COMMD1: variants seen among roughly 807,000 people sequenced by gnomAD.
COMMD1 encodes COMM domain-containing protein 1.
COMMD1 carries 10 observed loss-of-function variants against 17.2 expected under a neutral mutation model. The observed-to-expected ratio is 0.58, with a 90% CI of 0.36 to 0.99. The LOEUF is 0.99. Among genes scored for constraint, COMMD1 ranks in the 50% least tolerant of loss-of-function variants. The probability of loss-of-function intolerance (pLI) is 0.01; values close to 1 mark genes in which losing one functional copy is unlikely to be tolerated. For missense variants in COMMD1, 270 were observed against 231.8 expected, an observed-to-expected ratio of 1.17 and a Z score of -1.07; for synonymous variants, 97 against 91.6, an observed-to-expected ratio of 1.06 and a Z score of -0.34.
chr2:62,098,026 A>G (rs912594210), intron 2 of COMMD1, among the ~76,000 whole-genome samples: 6 of 151,922 alleles, frequency 3.9e-5, no homozygotes, highest in Admixed American at 6.6e-5. Context: ...TCTTTTTGCA[A>G]TAGTGGCAAA....
chr2:61,915,861 G>A, intron 1 of COMMD1: 1 of 278,922 alleles, frequency 3.6e-6, no homozygotes, highest in South Asian at 3.4e-5. Flanking sequence ...ATAAAATAGA[G>A]ATGGGGTCTT....
intron 1 of COMMD1, among the ~76,000 whole-genome samples, chr2:61,950,663 A>G (rs900777996): frequency 6.6e-6 from 1 of 152,226 alleles, no homozygotes; most frequent in Admixed American, 6.5e-5. Context: ...CTTTGGGAAC[A>G]TAACTAAGTA....
intron 1 of COMMD1, chr2:61,915,627 C>G (rs1670027908): frequency 2.3e-6 from 1 of 438,050 alleles, no homozygotes; most frequent in Non-Finnish European, 4.6e-6. Flanking sequence ...GTAGCTGAAA[C>G]TGTAAATGCT....
chr2:61,899,484 T>C (rs886320643), intron 1 of COMMD1, among the ~76,000 whole-genome samples: 25 of 152,200 alleles, frequency 1.6e-4, no homozygotes, highest in Non-Finnish European at 2.9e-4. Flanking sequence ...ATACATTATA[T>C]TAAATAATAT....
At chr2:61,906,929 A>G (rs1217054874) in intron 1 of COMMD1, among the ~76,000 whole-genome samples, 1 of 152,144 alleles carries the variant, frequency 6.6e-6, no homozygotes, top group Non-Finnish European at 1.5e-5. Flanking sequence ...ATTTTTTTAA[A>G]CTGATTTTGC....
chr2:61,909,704 A>T (rs1267951342), intron 1 of COMMD1, among the ~76,000 whole-genome samples: 1 of 152,224 alleles, frequency 6.6e-6, no homozygotes, highest in African/African-American at 2.4e-5. Context: ...ACTTTCAGTT[A>T]TCTATGTAAT....
At chr2:61,943,326 ACCACTCT>A (rs1670802497) in intron 1 of COMMD1, among the ~76,000 whole-genome samples, 1 of 152,168 alleles carries the variant, frequency 6.6e-6, no homozygotes, top group African/African-American at 2.4e-5. Context: ...CCTGAGAGGG[ACCACTCT>A]CCTTGTGTTT....
At chr2:62,080,520 T>A (rs1025066603) in intron 2 of COMMD1, among the ~76,000 whole-genome samples, 2 of 151,898 alleles carry the variant, frequency 1.3e-5, no homozygotes, top group African/African-American at 4.9e-5. Context: ...GTAATTGACT[T>A]CCAGCAGAGA....
intron 1 of COMMD1, among the ~76,000 whole-genome samples, chr2:61,996,334 G>A (rs1668755885): frequency 6.6e-6 from 1 of 151,774 alleles, no homozygotes; most frequent in African/African-American, 2.4e-5. Flanking sequence ...GTGTGTGTGT[G>A]TGTGTGTGTG....
chr2:61,954,941 C>T (rs1357019454), intron 1 of COMMD1, among the ~76,000 whole-genome samples: 1 of 152,168 alleles, frequency 6.6e-6, no homozygotes, highest in African/African-American at 2.4e-5. Context: ...TTCCAAAGTG[C>T]TGGGATTACA....
chr2:61,951,546 G>T (rs1237552451), intron 1 of COMMD1, among the ~76,000 whole-genome samples: 3 of 151,760 alleles, frequency 2.0e-5, no homozygotes, highest in East Asian at 3.9e-4. Flanking sequence ...GTGGATCTAA[G>T]TAGGTGCCCT....
chr2:61,994,018 G>A (rs189806523), intron 1 of COMMD1, among the ~76,000 whole-genome samples: 9 of 151,164 alleles, frequency 6.0e-5, no homozygotes, highest in Non-Finnish European at 1.0e-4. Flanking sequence ...GCGGAGTCTC[G>A]CTCTGTCACC....
At chr2:61,906,879 A>G (rs115573664) in intron 1 of COMMD1, among the ~76,000 whole-genome samples, 123 of 152,270 alleles carry the variant, frequency 8.1e-4, no homozygotes, top group Non-Finnish European at 1.4e-3. Context: ...TGAATTTGCT[A>G]TTTTTTCAAA....
chr2:62,018,571 C>T (rs1474986918), intron 2 of COMMD1, among the ~76,000 whole-genome samples: 1 of 152,042 alleles, frequency 6.6e-6, no homozygotes, highest in Admixed American at 6.6e-5. Context: ...TATTTTCCGG[C>T]TTTATTGGGA....
At chr2:62,063,536 A>G (rs1470640692) in intron 2 of COMMD1, among the ~76,000 whole-genome samples, 1 of 152,162 alleles carries the variant, frequency 6.6e-6, no homozygotes, top group Non-Finnish European at 1.5e-5. Context: ...AGATTTTCTT[A>G]TAGTGTAATC....
chr2:61,999,625 T>A (rs1329064382), intron 1 of COMMD1, among the ~76,000 whole-genome samples: 1 of 152,114 alleles, frequency 6.6e-6, no homozygotes, highest in Non-Finnish European at 1.5e-5. Flanking sequence ...GACAGGGTCT[T>A]GCTGTGTTGC....
At chr2:61,964,255 C>G (rs1354186064) in intron 1 of COMMD1, among the ~76,000 whole-genome samples, 1 of 152,076 alleles carries the variant, frequency 6.6e-6, no homozygotes, top group Non-Finnish European at 1.5e-5. Context: ...GGGTCTTGCT[C>G]TGTTGCCTAG....
At chr2:61,905,489 C>T (rs1421522745), upstream of COMMD1, among the ~76,000 whole-genome samples, 1 of 152,194 alleles carries the variant, frequency 6.6e-6, no homozygotes, top group Non-Finnish European at 1.5e-5. Context: ...CGGATATTTC[C>T]GTGGAGGTAT....
At chr2:62,056,034 G>A (rs1670689862) in intron 2 of COMMD1, among the ~76,000 whole-genome samples, 1 of 152,204 alleles carries the variant, frequency 6.6e-6, no homozygotes, top group African/African-American at 2.4e-5. Flanking sequence ...GTCTTTGAAT[G>A]ATTACATATC....
Sources: gnomAD v4.1 joint callset for allele counts (sites outside exome capture counted in the v4.1 genomes callset) on GRCh38, gnomAD v4.1.1 for gene constraint, MANE v1.5 for transcripts, NCBI Gene and HGNC (gene_info 2026-07-23, HGNC 2026-07-21) for gene names.